Variants in RIMS2 observed in about 807,000 individuals in gnomAD.
RIMS2 encodes the protein regulating synaptic membrane exocytosis 2.
In RIMS2, 59 loss-of-function variants were observed where a neutral mutation model predicts 174.4. The ratio of observed to expected loss-of-function variants is 0.34; its 90% confidence interval spans 0.27 to 0.42. RIMS2 has a LOEUF of 0.42. Among genes scored for constraint, RIMS2 ranks in the 10% least tolerant of loss-of-function variants. RIMS2 has a pLI of 1.00. For missense variants in RIMS2, 1,620 were observed against 1,666.3 expected, an observed-to-expected ratio of 0.97 and a Z score of 0.48; for synonymous variants, 606 against 572.5, an observed-to-expected ratio of 1.06 and a Z score of -0.84.
At position 103,821,370 on chromosome 8, in the gene RIMS2, T is replaced by G. The variant is rs535734744; in HGVS notation, c.698+54833T>G. Among the ~76,000 whole-genome samples the G allele has an allele frequency of 1.6e-4, 25 of 151,806 alleles. 2 individuals carry two copies. The South Asian group carries it at 5.2e-3, about 31-fold the overall frequency. On this transcript the variant is annotated intron_variant, in intron 3 of 23. Coordinates refer to ENST00000504942, the Ensembl canonical transcript of RIMS2. Reference sequence around the variant, plus strand: ...AGTATGGTTTAACTTATATTGATTATTATCTAAAACTATCCCAAACTACCA... The same window carrying G: ...AGTATGGTTTAACTTATATTGATTAGTATCTAAAACTATCCCAAACTACCA...
chr8:103,876,861 A>AT (rs200458704), intron 3 of RIMS2, among the ~76,000 whole-genome samples: 14 of 69,274 alleles, frequency 2.0e-4, no homozygotes, highest in South Asian at 6.1e-4. Flanking sequence ...CACACACACT[A>AT]TTTTATATAT....
At chr8:103,536,959 A>C (rs911165866) in intron 1 of RIMS2, among the ~76,000 whole-genome samples, 1 of 152,196 alleles carries the variant, frequency 6.6e-6, no homozygotes, top group African/African-American at 2.4e-5. Flanking sequence ...TAAAACAAAA[A>C]CCAAACTCAC....
intron 19 of RIMS2, among the ~76,000 whole-genome samples, chr8:104,214,005 C>T (rs1413656591): frequency 6.6e-6 from 1 of 152,092 alleles, no homozygotes; most frequent in Non-Finnish European, 1.5e-5. Flanking sequence ...CTTGTGGCTC[C>T]TTTGCAAATG....
intron 3 of RIMS2, among the ~76,000 whole-genome samples, chr8:103,874,812 C>T (rs758182460): frequency 6.6e-5 from 10 of 152,002 alleles, no homozygotes; most frequent in Non-Finnish European, 1.5e-4. Context: ...TAAAAAAGAA[C>T]ACCATGTTTA....
At chr8:104,054,952 C>G (rs969672263) in intron 19 of RIMS2, among the ~76,000 whole-genome samples, 5 of 151,936 alleles carry the variant, frequency 3.3e-5, no homozygotes, top group Non-Finnish European at 5.9e-5. Context: ...GTAATTTTGC[C>G]TTATTTCACT....
At chr8:103,946,740 T>TA (rs2083902571) in intron 14 of RIMS2, among the ~76,000 whole-genome samples, 1 of 152,174 alleles carries the variant, frequency 6.6e-6, no homozygotes, top group Non-Finnish European at 1.5e-5. Context: ...CTAAGCAGGA[T>TA]ATTTTGCTGA....
intron 17 of RIMS2, among the ~76,000 whole-genome samples, chr8:103,996,671 C>T (rs769390221): frequency 7.2e-5 from 11 of 151,786 alleles, no homozygotes; most frequent in Non-Finnish European, 1.0e-4. Flanking sequence ...TGTTAAGAGC[C>T]TGAGTTTTGA....
At chr8:103,980,957 A>G (rs1208121524) in intron 16 of RIMS2, among the ~76,000 whole-genome samples, 1 of 152,190 alleles carries the variant, frequency 6.6e-6, no homozygotes, top group Admixed American at 6.6e-5. Flanking sequence ...CCCAATCCCT[A>G]GCTCCCAGAT....
At chr8:104,161,698 C>A (rs2098762709) in intron 19 of RIMS2, among the ~76,000 whole-genome samples, 1 of 152,156 alleles carries the variant, frequency 6.6e-6, no homozygotes, top group Non-Finnish European at 1.5e-5. Context: ...CCATGCCATC[C>A]TAAGACTAGG....
At chr8:104,189,813 A>C (rs1217110067) in intron 19 of RIMS2, among the ~76,000 whole-genome samples, 1 of 151,914 alleles carries the variant, frequency 6.6e-6, no homozygotes, top group African/African-American at 2.4e-5. Context: ...GAATCTCTGA[A>C]GACAGAAAAA....
intron 15 of RIMS2, among the ~76,000 whole-genome samples, chr8:103,969,883 G>A (rs1047229304): frequency 1.1e-4 from 16 of 152,030 alleles, no homozygotes; most frequent in African/African-American, 3.6e-4. Flanking sequence ...TTACTAGCTG[G>A]GACTATGGGT....
At chr8:103,809,487 C>T (rs754754563) in intron 3 of RIMS2, among the ~76,000 whole-genome samples, 1 of 151,810 alleles carries the variant, frequency 6.6e-6, no homozygotes, top group Non-Finnish European at 1.5e-5. Flanking sequence ...CTCTTCTTCC[C>T]TCCTCCCTCC....
intron 1 of RIMS2, among the ~76,000 whole-genome samples, chr8:103,694,937 T>C (rs942066069): frequency 6.6e-6 from 1 of 152,056 alleles, no homozygotes; most frequent in African/African-American, 2.4e-5. Flanking sequence ...GGCACTGGAG[T>C]GGGCCTGGAG....
chr8:103,767,885 C>T (rs2098195470), intron 3 of RIMS2, among the ~76,000 whole-genome samples: 1 of 152,170 alleles, frequency 6.6e-6, no homozygotes, highest in Non-Finnish European at 1.5e-5. Flanking sequence ...TCAGAGTTAT[C>T]CTATATAGAG....
intron 3 of RIMS2, among the ~76,000 whole-genome samples, chr8:103,798,398 AAGAT>A (rs1288792195): frequency 7.9e-5 from 12 of 152,176 alleles, no homozygotes; most frequent in Non-Finnish European, 1.5e-4. Context: ...GGAATTTTAA[AAGAT>A]AGAAGATACA....
chr8:103,871,135 G>A (rs143946203), intron 3 of RIMS2, among the ~76,000 whole-genome samples: 1 of 152,268 alleles, frequency 6.6e-6, no homozygotes, highest in East Asian at 1.9e-4. Context: ...AGGGCCAGGC[G>A]CAGTGGCTCA....
chr8:103,746,896 G>C (rs2097825261), intron 2 of RIMS2, among the ~76,000 whole-genome samples: 1 of 151,864 alleles, frequency 6.6e-6, no homozygotes, highest in Non-Finnish European at 1.5e-5. Flanking sequence ...TAGCCAGGTT[G>C]GTCTCGATGT....
At chr8:104,118,524 C>A (rs985616923) in intron 19 of RIMS2, among the ~76,000 whole-genome samples, 1 of 151,808 alleles carries the variant, frequency 6.6e-6, no homozygotes, top group Non-Finnish European at 1.5e-5. Context: ...CCCAGGATTA[C>A]AGGCATGTGC....
intron 1 of RIMS2, among the ~76,000 whole-genome samples, chr8:103,656,348 G>A (rs942975435): frequency 6.6e-6 from 1 of 152,146 alleles, no homozygotes; most frequent in African/African-American, 2.4e-5. Context: ...ACTGGCCAGA[G>A]ATATATTTTT....
Sources: gnomAD v4.1 joint callset for allele counts (sites outside exome capture counted in the v4.1 genomes callset) on GRCh38, gnomAD v4.1.1 for gene constraint, MANE v1.5 for transcripts, NCBI Gene and HGNC (gene_info 2026-07-23, HGNC 2026-07-21) for gene names.